The following SLC14A2 variants were observed in gnomAD, a reference collection of about 807,000 sequenced individuals.
The protein encoded by SLC14A2 is urea transporter 2.
In SLC14A2, 91 loss-of-function variants were observed where a neutral mutation model predicts 104.6. The ratio of observed to expected loss-of-function variants is 0.87; its 90% CI spans 0.73 to 1.04. SLC14A2 has a LOEUF of 1.04. SLC14A2 is among the 50% of genes least tolerant of loss of function. The pLI is 0.00. For missense variants in SLC14A2, 1,189 were observed against 1,156.0 expected, an observed-to-expected ratio of 1.03 and a Z score of -0.41; for synonymous variants, 476 against 466.4, an observed-to-expected ratio of 1.02 and a Z score of -0.27.
chr18:45,311,306 T>C lies in SLC14A2; in HGVS notation c.-125+98115T>C, dbSNP rs577817406. The stretch of plus-strand genomic sequence containing the variant: ...ATATCAGCATACTTAGCCCCTGCTA[T>C]AGTCTAGTCTCTACACACTCTAAAC... On this transcript the variant is annotated intron_variant, in intron 1 of 20. Coordinates refer to the SLC14A2 transcript ENST00000586448. Among the ~76,000 whole-genome samples the C allele has an allele frequency of 1.3e-4, 20 of 152,318 alleles. No individual in the cohort carries two copies. The South Asian group carries it at 4.1e-3, about 32-fold the overall frequency.
At chr18:45,674,463 T>C (rs1302247590) in intron 18 of SLC14A2, among the ~76,000 whole-genome samples, 1 of 152,178 alleles carries the variant, frequency 6.6e-6, no homozygotes, top group African/African-American at 2.4e-5. Context: ...TTAAGATAAT[T>C]TGTAGATATA....
intron 2 of SLC14A2, among the ~76,000 whole-genome samples, chr18:45,520,898 A>G (rs1277059630): frequency 6.6e-6 from 1 of 152,212 alleles, no homozygotes; most frequent in Non-Finnish European, 1.5e-5. Flanking sequence ...GATTATTATT[A>G]TGACCGAAAG....
At chr18:45,237,284 A>C (rs2144040202) in intron 1 of SLC14A2, among the ~76,000 whole-genome samples, 2 of 152,326 alleles carry the variant, frequency 1.3e-5, no homozygotes, top group South Asian at 4.1e-4. Context: ...AAGCCTCAAG[A>C]GGAAAACACT....
intron 2 of SLC14A2, among the ~76,000 whole-genome samples, chr18:45,521,593 ATT>A (rs1304607876): frequency 2.6e-5 from 4 of 151,950 alleles, no homozygotes; most frequent in Non-Finnish European, 5.9e-5. Context: ...TTCCTTTTTC[ATT>A]TTTTTTCTTT....
At chr18:45,301,010 A>G (rs368363196) in intron 1 of SLC14A2, among the ~76,000 whole-genome samples, 12 of 152,276 alleles carry the variant, frequency 7.9e-5, no homozygotes, top group African/African-American at 2.6e-4. Context: ...AAGCATGGGG[A>G]GGATTTGGGG....
chr18:45,220,695 G>A (rs1240280050), intron 1 of SLC14A2, among the ~76,000 whole-genome samples: 1 of 152,282 alleles, frequency 6.6e-6, no homozygotes, highest in African/African-American at 2.4e-5. Context: ...GACTGAACAT[G>A]AACTAATTTG....
chr18:45,648,650 A>T (rs895364958), intron 10 of SLC14A2, among the ~76,000 whole-genome samples: 3 of 152,190 alleles, frequency 2.0e-5, no homozygotes, highest in African/African-American at 7.2e-5. Context: ...TATATTTTTT[A>T]AAAATAACAT....
At chr18:45,201,855 G>A in the SLC14A2 span, among the ~76,000 whole-genome samples, 11,058 of 152,114 alleles carry the variant, frequency 0.073, 457 homozygotes, top group East Asian at 0.12. Flanking sequence ...TTTGAAAGGG[G>A]AGACTTTCAA....
At chr18:45,544,786 C>CTTTTTTT (rs71373715) in intron 2 of SLC14A2, among the ~76,000 whole-genome samples, 25 of 88,874 alleles carry the variant, frequency 2.8e-4, no homozygotes, top group Non-Finnish European at 3.9e-4. Flanking sequence ...TCAATAATGT[C>CTTTTTTT]TTTTTTTTTT....
intron 1 of SLC14A2, among the ~76,000 whole-genome samples, chr18:45,429,355 C>A (rs1022805012): frequency 6.6e-6 from 1 of 152,082 alleles, no homozygotes; most frequent in Admixed American, 6.5e-5. Flanking sequence ...CTGAAATTGG[C>A]GATGGCTAAG....
chr18:45,602,190 G>A (rs559365644), intron 2 of SLC14A2, among the ~76,000 whole-genome samples: 117 of 152,358 alleles, frequency 7.7e-4, no homozygotes, highest in African/African-American at 2.7e-3. Context: ...CATTAAAGGA[G>A]ATAGTGTGTG....
At chr18:45,478,131 C>T (rs562042329) in intron 1 of SLC14A2, among the ~76,000 whole-genome samples, 1 of 152,356 alleles carries the variant, frequency 6.6e-6, no homozygotes, top group African/African-American at 2.4e-5. Flanking sequence ...CCAAGGGAAT[C>T]TCCTGGTCTG....
At chr18:45,288,878 C>T (rs554247572) in intron 1 of SLC14A2, among the ~76,000 whole-genome samples, 4 of 152,344 alleles carry the variant, frequency 2.6e-5, no homozygotes, top group African/African-American at 9.6e-5. Flanking sequence ...CTTGTAGTTC[C>T]TGTGGGGATT....
At chr18:45,522,507 C>A (rs1035383580) in intron 2 of SLC14A2, among the ~76,000 whole-genome samples, 1 of 152,080 alleles carries the variant, frequency 6.6e-6, no homozygotes, top group Non-Finnish European at 1.5e-5. Flanking sequence ...AGGGCGGGAG[C>A]AATCCTACAT....
chr18:45,523,660 G>A (rs1193443755), intron 2 of SLC14A2, among the ~76,000 whole-genome samples: 2 of 151,838 alleles, frequency 1.3e-5, no homozygotes, highest in East Asian at 1.9e-4. Flanking sequence ...TTAACCCCAC[G>A]AAATCTCCCC....
At chr18:45,221,073 A>G (rs899062821) in intron 1 of SLC14A2, among the ~76,000 whole-genome samples, 1 of 152,198 alleles carries the variant, frequency 6.6e-6, no homozygotes, top group Non-Finnish European at 1.5e-5. Flanking sequence ...CTACAGTCAC[A>G]TTCTGAGATT....
At chr18:45,575,231 G>A (rs995499252) in intron 2 of SLC14A2, among the ~76,000 whole-genome samples, 2 of 152,132 alleles carry the variant, frequency 1.3e-5, no homozygotes, top group Non-Finnish European at 2.9e-5. Context: ...CAGTCCCTGA[G>A]CTACAGTGAG....
chr18:45,384,170 T>C (rs937599074), intron 1 of SLC14A2, among the ~76,000 whole-genome samples: 1 of 152,162 alleles, frequency 6.6e-6, no homozygotes, highest in East Asian at 1.9e-4. Flanking sequence ...GTCTTTGTGC[T>C]TTCTCTTAAA....
At chr18:45,486,460 G>C (rs1232357578) in intron 2 of SLC14A2, among the ~76,000 whole-genome samples, 1 of 151,918 alleles carries the variant, frequency 6.6e-6, no homozygotes, top group Non-Finnish European at 1.5e-5. Flanking sequence ...CCACTTAAAA[G>C]CATGGTAACT....
Sources: gnomAD v4.1 joint callset for allele counts (sites outside exome capture counted in the v4.1 genomes callset) on GRCh38, gnomAD v4.1.1 for gene constraint, MANE v1.5 for transcripts, NCBI Gene and HGNC (gene_info 2026-07-23, HGNC 2026-07-21) for gene names.